NOCT: variants seen among roughly 807,000 people sequenced by gnomAD.
The protein encoded by NOCT is nocturnin.
NOCT carries 18 observed loss-of-function variants against 35.0 expected under a neutral mutation model. The observed-to-expected ratio is 0.51, with a 90% CI of 0.36 to 0.76. NOCT has a LOEUF of 0.76. NOCT is among the 30% of genes least tolerant of loss of function. NOCT has a pLI of 0.01. For synonymous variants in NOCT, 235 were observed against 226.3 expected (o/e 1.04, Z -0.34); for missense variants, 479 against 541.0 (o/e 0.89, Z 1.14).
At position 139,045,025 on chromosome 4, in the gene NOCT, G is replaced by A. The variant is rs371042290; in HGVS notation, c.847G>A (p.Ala283Thr). 21 of 1,614,054 alleles carry A rather than the reference G, an allele frequency of 1.3e-5. No homozygotes were observed. The highest frequency in any genetic ancestry group is 3.3e-5 in the Admixed American group (2 of 60,006). The part of the protein sequence containing the change: ...CKESGRQFCI[A>T]VTHLKARTGW... ...GGAGTCAGGCCGACAGTTCTGCATC[G>A]CTGTTACCCATCTAAAAGCACGCAC... is the stretch of plus-strand genomic sequence containing the variant. The change falls in exon 3 of 3, where the codon GCT becomes ACT. Residue 283 changes from alanine (A) to threonine (T), a missense_variant. Physicochemically the swap from Ala to Thr is moderately conservative, Grantham distance 58 (BLOSUM62 0). Around this residue, in one of 2 missense-constraint regions of NOCT, gnomAD observed 214 missense variants for 284.0 expected, o/e 0.75. Transcript: ENST00000280614.
At chr4:139,038,731 C>T (rs1726781005) in intron 1 of NOCT, among the ~76,000 whole-genome samples, 1 of 152,096 alleles carries the variant, frequency 6.6e-6, no homozygotes, top group Admixed American at 6.5e-5. Context: ...CATCCTGCCC[C>T]CTCCTTTTTT....
Position 139,045,588 on chromosome 4 carries a change from C to T in NOCT, c.*114C>T. On this transcript the variant is annotated 3_prime_UTR_variant, in exon 3 of 3. Transcript: ENST00000280614. ...CTGGAGTACAGTGGCCTGATCTCGG[C>T]TCACTGCAAGATCCGCCTCCCGGGT... The T allele has an allele frequency of 1.7e-6, 1 of 597,072 alleles. No individual in the cohort carries two copies. Among genetic ancestry groups the T allele is most frequent in the Non-Finnish European group, 2.7e-6 (1 of 367,798 alleles). The allele number at this position is 597,072 out of a possible 1,614,324, so 37.0% of individuals were successfully genotyped here.
In NOCT at chr4:139,016,129, G is replaced by A; in HGVS notation, c.148G>A (p.Ala50Thr). The change falls in exon 1 of 3, where the codon GCC becomes ACC. Residue 50 changes from alanine (A) to threonine (T), a missense_variant. Physicochemically the swap from Ala to Thr is moderately conservative, Grantham distance 58. Around this residue, in one of 2 missense-constraint regions of NOCT, gnomAD observed 265 missense variants for 257.0 expected, o/e 1.03. Coordinates refer to ENST00000280614, the MANE Select transcript of NOCT (RefSeq NM_012118.4). ...RPASPRLLAAASAASGAARSC... is the reference protein window; with the variant it reads ...RPASPRLLAATSAASGAARSC... ...CGCATCCCCCCGGCTGCTGGCGGCG[G>A]CCTCGGCGGCCTCGGGCGCCGCGAG... is the stretch of plus-strand genomic sequence containing the variant. 1 of 1,286,726 alleles carries A rather than the reference G, an allele frequency of 7.8e-7. No individual in the cohort carries two copies. The highest frequency in any genetic ancestry group is 9.8e-7 in the Non-Finnish European group (1 of 1,019,762). The allele number at this position is 1,286,726 out of a possible 1,614,324, so 79.7% of individuals were successfully genotyped here.
Position 139,045,551 on chromosome 4 carries a change from C to G in NOCT, c.*77C>G. ...TTTTTTTTTGAGACAGAGTCTCGCT[C>G]TGTTGCCTAGGCTGGAGTACAGTGG... On this transcript the variant is annotated 3_prime_UTR_variant, in exon 3 of 3. Transcript: ENST00000280614. 1 of 790,850 alleles carries G rather than the reference C, an allele frequency of 1.3e-6. No individual in the cohort carries two copies. The highest frequency in any genetic ancestry group is 1.9e-6 in the Non-Finnish European group (1 of 531,324). The allele number at this position is 790,850 out of a possible 1,614,324, so 49.0% of individuals were successfully genotyped here. A position where few individuals can be genotyped will look rare whatever the true frequency, so the allele number is the denominator to read the frequency against.
intron 1 of NOCT, among the ~76,000 whole-genome samples, chr4:139,026,360 C>T (rs190745961): frequency 2.6e-5 from 4 of 152,238 alleles, no homozygotes; most frequent in African/African-American, 7.2e-5. Flanking sequence ...CCCAGCCTCC[C>T]AAAGTGCTGG....
chr4:139,026,332 C>T (rs900402001), intron 1 of NOCT, among the ~76,000 whole-genome samples: 6 of 152,090 alleles, frequency 3.9e-5, no homozygotes, highest in African/African-American at 1.2e-4. Context: ...AACTCCTGAC[C>T]TCTGGTGATC....
intron 1 of NOCT, among the ~76,000 whole-genome samples, chr4:139,040,680 T>G (rs76060638): frequency 0.013 from 2,002 of 152,290 alleles, 40 homozygotes; most frequent in African/African-American, 0.045. Context: ...AACTGAGCTC[T>G]ACATCAAGCC....
chr4:139,018,903 A>T (rs1415815507), intron 1 of NOCT, among the ~76,000 whole-genome samples: 1 of 152,208 alleles, frequency 6.6e-6, no homozygotes, highest in African/African-American at 2.4e-5. Context: ...ATTACTATAA[A>T]GCGTTTTGTT....
chr4:139,016,112 C>T lies in NOCT; in HGVS notation c.131C>T (p.Pro44Leu). Residue 44 changes from proline to leucine, a missense_variant, in exon 1 of 3, where the codon CCC becomes CTC. Physicochemically the swap from Pro to Leu is moderately conservative, Grantham distance 98 (BLOSUM62 -3). Transcript: ENST00000280614. Reference sequence around the variant, plus strand: ...GCTGCTGTTCCCAGGCCCGCATCCCCCCGGCTGCTGGCGGCGGCCTCGGCG... The same window carrying T: ...GCTGCTGTTCCCAGGCCCGCATCCCTCCGGCTGCTGGCGGCGGCCTCGGCG... ...PPAAVPRPAS[P>L]RLLAAASAAS... The T allele has an allele frequency of 5.3e-6, 7 of 1,313,066 alleles. No individual in the cohort carries two copies. The highest frequency in any genetic ancestry group is 2.3e-5 in the South Asian group (1 of 42,994). 81.3% of individuals were successfully genotyped at this position (1,313,066 alleles called of 1,614,324 possible).
chr4:139,045,556 G>C lies in NOCT; in HGVS notation c.*82G>C, dbSNP rs1244899195. 3 of 743,766 alleles carry C rather than the reference G, an allele frequency of 4.0e-6. No individual in the cohort carries two copies. Among genetic ancestry groups the C allele is most frequent in the Non-Finnish European group, 6.0e-6 (3 of 502,822 alleles). The allele number at this position is 743,766 out of a possible 1,614,324, so 46.1% of individuals were successfully genotyped here. ...TTTTGAGACAGAGTCTCGCTCTGTT[G>C]CCTAGGCTGGAGTACAGTGGCCTGA... On this transcript the variant is annotated 3_prime_UTR_variant, in exon 3 of 3. Coordinates refer to ENST00000280614, the MANE Select transcript of NOCT (RefSeq NM_012118.4).
intron 1 of NOCT, among the ~76,000 whole-genome samples, chr4:139,035,108 G>A (rs1726706159): frequency 6.6e-6 from 1 of 151,930 alleles, no homozygotes; most frequent in East Asian, 1.9e-4. Context: ...CCTTCTGGTC[G>A]CTCAGCTGGA....
rs557778339 is a variant in NOCT, at chr4:139,040,329, C to T, written c.191-2745C>T. On this transcript the variant is annotated intron_variant, in intron 1 of 2. Coordinates refer to ENST00000280614, the MANE Select transcript of NOCT (RefSeq NM_012118.4). ...TGCTGGGATTACAGGCTTGAGACAC[C>T]GCGCCCAGCCTTGTATCATTTTCTT... Among the ~76,000 whole-genome samples, 5 of 152,202 alleles carry T rather than the reference C, an allele frequency of 3.3e-5. No individual in the cohort carries two copies. In the South Asian group the frequency reaches 8.3e-4, roughly 25 times the overall value.
chr4:139,016,058 C>A lies in NOCT; in HGVS notation c.77C>A (p.Pro26Gln). 7.2e-7 allele frequency: 1 copy of A among 1,387,384 alleles called. No homozygotes were observed. The highest frequency in any genetic ancestry group is 9.4e-7 in the Non-Finnish European group (1 of 1,068,928). 85.9% of individuals were successfully genotyped at this position (1,387,384 alleles called of 1,614,324 possible). ...CCCGGCCTGCGCCGCCTGCCCGCCC[C>A]AGGGCTGCGCCGCCCGTTGTCCCCG... is the stretch of plus-strand genomic sequence containing the variant. ...DAPGLRRLPA[P>Q]GLRRPLSPPA... is the part of the protein sequence containing the mutation. Residue 26 changes from proline to glutamine, a missense_variant, in exon 1 of 3, where the codon CCA becomes CAA. Physicochemically the swap from Pro to Gln is moderately conservative, Grantham distance 76. This residue lies in a region of NOCT where 265 missense variants were observed against 257.0 expected (regional missense o/e 1.03). Coordinates refer to ENST00000280614, the MANE Select transcript of NOCT (RefSeq NM_012118.4).
intron 1 of NOCT, among the ~76,000 whole-genome samples, chr4:139,032,158 T>C (rs959721500): frequency 3.9e-5 from 6 of 152,232 alleles, no homozygotes; most frequent in African/African-American, 1.2e-4. Flanking sequence ...TATATTCTTA[T>C]ACAGTAAAAT....
At chr4:139,032,934 G>A (rs929110244) in intron 1 of NOCT, among the ~76,000 whole-genome samples, 4 of 152,136 alleles carry the variant, frequency 2.6e-5, no homozygotes, top group African/African-American at 2.4e-5. Context: ...GGGTGGCGGC[G>A]TGCACCTGTA....
chr4:139,044,135 T>A (rs2148648093), intron 2 of NOCT, among the ~76,000 whole-genome samples: 1 of 151,092 alleles, frequency 6.6e-6, no homozygotes, highest in East Asian at 1.9e-4. Flanking sequence ...GGGCCTGATT[T>A]TTTTTTTTCC....
intron 1 of NOCT, among the ~76,000 whole-genome samples, chr4:139,020,117 T>C (rs1027063301): frequency 6.6e-6 from 1 of 152,238 alleles, no homozygotes; most frequent in Non-Finnish European, 1.5e-5. Context: ...TCTGTTAGCA[T>C]TCAATGGCAA....
rs559800609 is a variant in NOCT, at chr4:139,019,659, G to A, written c.190+3488G>A. 6.6e-5 allele frequency among the ~76,000 whole-genome samples: 10 copies of A among 152,228 alleles called. 1 individual carries two copies. In the South Asian group the frequency reaches 1.9e-3, roughly 28 times the overall value. ...TGCCCCTTGGCAATTGGTAGTTATT[G>A]GGAAGATAAGTACAGTCCCTTTGGA... is the stretch of plus-strand genomic sequence containing the variant. On this transcript the variant is annotated intron_variant, in intron 1 of 2. Coordinates refer to ENST00000280614, the MANE Select transcript of NOCT (RefSeq NM_012118.4).
intron 1 of NOCT, among the ~76,000 whole-genome samples, chr4:139,031,936 C>T (rs1426812319): frequency 6.6e-6 from 1 of 151,982 alleles, no homozygotes; most frequent in African/African-American, 2.4e-5. Context: ...TCGTCTCGAA[C>T]TCCTAACTTC....
Sources: gnomAD v4.1 joint callset for allele counts (sites outside exome capture counted in the v4.1 genomes callset) on GRCh38, gnomAD v4.1.1 for gene constraint, gnomAD v4.1.1 regional missense constraint, MANE v1.5 for transcripts, NCBI Gene and HGNC (gene_info 2026-07-23, HGNC 2026-07-21) for gene names.